Variants in PTPRD observed in about 807,000 individuals in gnomAD.
PTPRD encodes the protein protein tyrosine phosphatase receptor type D.
A neutral mutation model predicts 214.5 loss-of-function variants in PTPRD; 34 were observed. That is an observed-to-expected ratio of 0.16 (90% CI 0.12 to 0.21). PTPRD has a LOEUF of 0.21. Ranked by LOEUF, PTPRD falls within the 10% of genes least tolerant of loss-of-function variation. The pLI, the probability that PTPRD is intolerant of heterozygous loss-of-function variation, is 1.00. For synonymous variants in PTPRD, 1,128 were observed against 845.7 expected (o/e 1.33, Z -5.79); for missense variants, 2,545 against 2,398.7 (o/e 1.06, Z -1.27).
chr9:9,251,473 T>A (rs890826251), intron 9 of PTPRD, among the ~76,000 whole-genome samples: 1 of 152,108 alleles, frequency 6.6e-6, no homozygotes, highest in East Asian at 1.9e-4. Context: ...TTCTCTTCCT[T>A]CTTTATTTTG....
chr9:8,865,162 C>CTTTA (rs1337998393), intron 11 of PTPRD, among the ~76,000 whole-genome samples: 4 of 136,478 alleles, frequency 2.9e-5, no homozygotes, highest in Non-Finnish European at 6.5e-5. Flanking sequence ...TTTCTTTAAT[C>CTTTA]ATAATACAAA....
At chr9:9,993,119 C>T (rs1319518673) in intron 4 of PTPRD, among the ~76,000 whole-genome samples, 2 of 152,086 alleles carry the variant, frequency 1.3e-5, no homozygotes, top group Admixed American at 6.5e-5. Flanking sequence ...CTTTACATTC[C>T]CATGTGTATA....
At chr9:8,405,030 T>A (rs1170909440) in intron 35 of PTPRD, among the ~76,000 whole-genome samples, 1 of 152,220 alleles carries the variant, frequency 6.6e-6, no homozygotes, top group Non-Finnish European at 1.5e-5. Flanking sequence ...ATATTGATTA[T>A]TCTTCCCTAT....
intron 10 of PTPRD, among the ~76,000 whole-genome samples, chr9:9,086,838 GA>G (rs1428693360): frequency 6.6e-6 from 1 of 152,052 alleles, no homozygotes. Flanking sequence ...TTGGGCCAGT[GA>G]AACAAAAAAG....
chr9:10,333,750 C>T (rs144924067), intron 3 of PTPRD, among the ~76,000 whole-genome samples: 139 of 151,910 alleles, frequency 9.2e-4, no homozygotes, highest in African/African-American at 3.2e-3. Context: ...AAGCACAGTG[C>T]TGTTAGAAAA....
intron 9 of PTPRD, among the ~76,000 whole-genome samples, chr9:9,338,838 C>A (rs2045625671): frequency 6.6e-6 from 1 of 152,112 alleles, no homozygotes; most frequent in Non-Finnish European, 1.5e-5. Context: ...GCCATCTCTC[C>A]CCTACCCCCT....
At chr9:8,698,183 T>G (rs1003289382) in intron 12 of PTPRD, among the ~76,000 whole-genome samples, 1 of 152,240 alleles carries the variant, frequency 6.6e-6, no homozygotes, top group Non-Finnish European at 1.5e-5. Context: ...TATTGTAAAA[T>G]GCAGAGTACT....
intron 2 of PTPRD, among the ~76,000 whole-genome samples, chr9:10,364,095 G>A (rs2097461112): frequency 1.4e-5 from 2 of 142,054 alleles, no homozygotes; most frequent in African/African-American, 2.7e-5. Flanking sequence ...CCCCTCCCGG[G>A]TTCATGCCAT....
At chr9:9,052,542 C>T (rs2099688160) in intron 10 of PTPRD, among the ~76,000 whole-genome samples, 1 of 152,070 alleles carries the variant, frequency 6.6e-6, no homozygotes, top group Non-Finnish European at 1.5e-5. Context: ...TATGTTAGTG[C>T]AATGAAGGAA....
At chr9:10,345,747 T>C (rs900378985) in intron 2 of PTPRD, among the ~76,000 whole-genome samples, 1 of 152,194 alleles carries the variant, frequency 6.6e-6, no homozygotes, top group African/African-American at 2.4e-5. Context: ...GTCTTTATAG[T>C]AGAATGATTT....
At chr9:8,928,444 A>G (rs538879847) in intron 11 of PTPRD, among the ~76,000 whole-genome samples, 2 of 152,274 alleles carry the variant, frequency 1.3e-5, no homozygotes, top group East Asian at 3.9e-4. Context: ...TCCCAACACC[A>G]TTTATTAAAC....
At position 8,316,695 on chromosome 9, in the gene PTPRD, A is replaced by AAT. The variant is rs1822044221; in HGVS notation, c.*1177_*1178dup. On this transcript the variant is annotated 3_prime_UTR_variant, in exon 46 of 46. Coordinates refer to ENST00000381196, the MANE Select transcript of PTPRD (RefSeq NM_002839.4). ...AGCCTGACTAACAAACAAACAAAACAATTTGTGGATGTGATTGATTGGTTA... is the reference window on the plus strand; with the variant it reads ...AGCCTGACTAACAAACAAACAAAACAATATTTGTGGATGTGATTGATTGGTTA... 1 of 230,738 alleles carries AAT rather than the reference A, an allele frequency of 4.3e-6. No individual in the cohort carries two copies. Among genetic ancestry groups the AAT allele is most frequent in the Non-Finnish European group, 8.6e-6 (1 of 116,276 alleles). The allele number at this position is 230,738 out of a possible 1,614,324, so 14.3% of individuals were successfully genotyped here. A position where few individuals can be genotyped will look rare whatever the true frequency, so the allele number is the denominator to read the frequency against.
At chr9:9,585,499 A>G (rs1013840004) in intron 7 of PTPRD, among the ~76,000 whole-genome samples, 6 of 152,094 alleles carry the variant, frequency 3.9e-5, no homozygotes, top group Non-Finnish European at 7.4e-5. Context: ...TATATTGCAC[A>G]ATTACTTTGA....
chr9:8,916,888 T>G (rs185741620), intron 11 of PTPRD, among the ~76,000 whole-genome samples: 1 of 152,230 alleles, frequency 6.6e-6, no homozygotes, highest in Non-Finnish European at 1.5e-5. Context: ...TGACTAAATC[T>G]TTCTCATAAA....
At chr9:10,006,162 TA>T (rs2096469259) in intron 4 of PTPRD, among the ~76,000 whole-genome samples, 1 of 152,042 alleles carries the variant, frequency 6.6e-6, no homozygotes, top group Admixed American at 6.6e-5. Context: ...ACTAAAAATG[TA>T]AATAAGAGTA....
chr9:9,545,307 C>T (rs933311318), intron 8 of PTPRD, among the ~76,000 whole-genome samples: 18 of 151,722 alleles, frequency 1.2e-4, no homozygotes, highest in Admixed American at 2.0e-4. Flanking sequence ...GCCTATTCAT[C>T]CCTCCCTTTC....
chr9:9,104,547 A>G (rs1442524882), intron 10 of PTPRD, among the ~76,000 whole-genome samples: 1 of 152,208 alleles, frequency 6.6e-6, no homozygotes, highest in African/African-American at 2.4e-5. Flanking sequence ...AAGATACTCA[A>G]GCCCACTGTA....
intron 5 of PTPRD, among the ~76,000 whole-genome samples, chr9:9,912,950 CTCTT>C (rs201132453): frequency 0.012 from 1,834 of 152,248 alleles, 21 homozygotes; most frequent in Middle Eastern, 0.02. Flanking sequence ...TCTTCCTTCT[CTCTT>C]TCTTTATGAA....
intron 4 of PTPRD, among the ~76,000 whole-genome samples, chr9:9,958,787 T>C (rs1364295119): frequency 6.6e-6 from 1 of 152,174 alleles, no homozygotes; most frequent in Non-Finnish European, 1.5e-5. Context: ...AAATATTAAA[T>C]GATGCTCAAT....
Sources: allele counts gnomAD v4.1 joint callset (sites outside exome capture counted in the v4.1 genomes callset), GRCh38; gene constraint gnomAD v4.1.1; transcripts MANE v1.5; gene names NCBI Gene and HGNC (gene_info 2026-07-23, HGNC 2026-07-21).